HSPA4L: variants seen among roughly 807,000 people sequenced by gnomAD.
HSPA4L encodes heat shock protein family A (Hsp70) member 4 like, also known as heat shock 70 kDa protein 4L.
HSPA4L carries 48 observed loss-of-function variants against 100.3 expected under a neutral mutation model. That is an observed-to-expected ratio of 0.48 (90% confidence interval 0.38 to 0.61). HSPA4L has a LOEUF of 0.61. Ranked by LOEUF, HSPA4L falls within the 20% of genes least tolerant of loss-of-function variation. The probability of loss-of-function intolerance (pLI) is 0.00; values close to 1 mark genes in which losing one functional copy is unlikely to be tolerated. For synonymous variants in HSPA4L, 319 were observed against 328.2 expected (o/e 0.97, Z 0.30); for missense variants, 886 against 988.6 (o/e 0.90, Z 1.39).
In HSPA4L at chr4:127,782,452, T is replaced by C. The variant is rs1249690371; in HGVS notation, c.-99T>C. ...GACTTGGGGTCCCCTCTCGTTTGCT[T>C]CTGGTAGGAGTCGCAATCCCAGCAG... On this transcript the variant is annotated 5_prime_UTR_variant, in exon 1 of 19. Coordinates refer to ENST00000296464, the MANE Select transcript of HSPA4L (RefSeq NM_014278.4). The C allele has an allele frequency of 1.4e-5, 13 of 962,570 alleles. No individual in the cohort carries two copies. The highest frequency in any genetic ancestry group is 2.1e-5 in the Non-Finnish European group (13 of 606,074). 59.6% of individuals were successfully genotyped at this position (962,570 alleles called of 1,614,324 possible).
At position 127,827,361 on chromosome 4, in the gene HSPA4L, C is replaced by T; in HGVS notation, c.2103C>T (p.Ala701=). Residue 701 remains alanine (A), a synonymous_variant, in exon 17 of 19, where the codon GCC becomes GCT. Coordinates refer to ENST00000296464, the MANE Select transcript of HSPA4L (RefSeq NM_014278.4). ...KYMEHEERPK[A]LNDLGKKIQL... ...TGGAGCATGAAGAGAGACCAAAAGC[C>T]TTAAATGACTTGGGAAAAAAGATCC... 1 of 1,613,510 alleles carries T rather than the reference C, an allele frequency of 6.2e-7. No individual in the cohort carries two copies. The highest frequency in any genetic ancestry group is 8.5e-7 in the Non-Finnish European group (1 of 1,179,598).
chr4:127,786,430 A>G (rs1346769139), intron 1 of HSPA4L, among the ~76,000 whole-genome samples: 1 of 152,226 alleles, frequency 6.6e-6, no homozygotes, highest in Non-Finnish European at 1.5e-5. Flanking sequence ...CTAGTTTTTA[A>G]GAAATACTAT....
At chr4:127,784,721 A>G (rs187312607) in intron 1 of HSPA4L, among the ~76,000 whole-genome samples, 301 of 152,350 alleles carry the variant, frequency 2.0e-3, no homozygotes, top group Non-Finnish European at 3.5e-3. Flanking sequence ...TGTGGGTCCA[A>G]TTGTTGAGGA....
Position 127,801,164 on chromosome 4 carries a change from G to A in HSPA4L, c.456G>A (p.Glu152=). Residue 152 remains glutamate, a synonymous_variant, in exon 5 of 19, where the codon GAG becomes GAA. Transcript: ENST00000296464. ...TTCCTAGCTTTTTTACTGATGCCGAGAGAAGATCTGTGATGGCTGCAGCCC... is the reference window on the plus strand; with the variant it reads ...TTCCTAGCTTTTTTACTGATGCCGAAAGAAGATCTGTGATGGCTGCAGCCC... The part of the protein sequence containing the change: ...ISIPSFFTDA[E]RRSVMAAAQV... 2 of 1,612,848 alleles carry A rather than the reference G, an allele frequency of 1.2e-6. No homozygotes were observed. Among genetic ancestry groups the A allele is most frequent in the Non-Finnish European group, 1.7e-6 (2 of 1,179,552 alleles).
chr4:127,812,786 G>C lies in HSPA4L; in HGVS notation c.1578+1150G>C, dbSNP rs1047647024. 32 of 1,470,818 alleles carry C rather than the reference G, an allele frequency of 2.2e-5. No individual in the cohort carries two copies. The Admixed American group carries it at 5.2e-4, about 24-fold the overall frequency. 91.1% of individuals were successfully genotyped at this position (1,470,818 alleles called of 1,614,324 possible). On this transcript the variant is annotated intron_variant, in intron 12 of 18. Coordinates refer to ENST00000296464, the MANE Select transcript of HSPA4L (RefSeq NM_014278.4). ...TCCTTCCCATTGGTTCTCACAAAGT[G>C]TGCTGCTCTGGGTGGAGCAGGCTGG... is the stretch of plus-strand genomic sequence containing the variant.
intron 4 of HSPA4L, among the ~76,000 whole-genome samples, chr4:127,800,604 T>G (rs1733149174): frequency 2.0e-5 from 3 of 152,208 alleles, no homozygotes; most frequent in Admixed American, 2.0e-4. Flanking sequence ...TCCCCTCCTT[T>G]GAAATATAAT....
intron 1 of HSPA4L, among the ~76,000 whole-genome samples, chr4:127,793,212 G>A (rs1052113630): frequency 2.0e-5 from 3 of 152,138 alleles, no homozygotes; most frequent in Non-Finnish European, 4.4e-5. Flanking sequence ...ATTTCTGCAA[G>A]ACAAATAGAT....
chr4:127,820,661 A>G (rs762888072), intron 14 of HSPA4L, 96 bp downstream of exon 14: 1 of 1,133,092 alleles, frequency 8.8e-7, no homozygotes, highest in South Asian at 1.4e-5. Flanking sequence ...GCACTAGTTT[A>G]TAACTCCTAA....
At chr4:127,788,172 T>G (rs1440790168) in intron 1 of HSPA4L, among the ~76,000 whole-genome samples, 1 of 152,138 alleles carries the variant, frequency 6.6e-6, no homozygotes, top group Non-Finnish European at 1.5e-5. Context: ...TGTCTACCTA[T>G]GTAAATATTT....
chr4:127,801,185 A>T lies in HSPA4L; in HGVS notation c.477A>T (p.Ala159=). ...TDAERRSVMA[A]AQVAGLNCLR... is the part of the protein sequence containing the mutation. ...CCGAGAGAAGATCTGTGATGGCTGC[A>T]GCCCAGGTTGCAGGCTTAAATTGTT... The change falls in exon 5 of 19, where the codon GCA becomes GCT. Residue 159 remains alanine, a synonymous_variant. Coordinates refer to ENST00000296464, the MANE Select transcript of HSPA4L (RefSeq NM_014278.4). 1.2e-6 allele frequency: 2 copies of T among 1,613,438 alleles called. No homozygotes were observed. The highest frequency in any genetic ancestry group is 1.7e-6 in the Non-Finnish European group (2 of 1,179,726).
At chr4:127,822,400 TG>T (rs1249623726) in intron 14 of HSPA4L, among the ~76,000 whole-genome samples, 2 of 152,234 alleles carry the variant, frequency 1.3e-5, no homozygotes, top group African/African-American at 4.8e-5. Flanking sequence ...TTTTTTTATT[TG>T]TTCATCTTTT....
At chr4:127,796,029 A>G (rs1170384729) in intron 3 of HSPA4L, 121 bp downstream of exon 3, 3 of 792,504 alleles carry the variant, frequency 3.8e-6, no homozygotes, top group South Asian at 2.9e-5. Context: ...CACCGAAGAG[A>G]TAGTAGTTTT....
intron 11 of HSPA4L, among the ~76,000 whole-genome samples, chr4:127,811,194 C>A (rs1379470871): frequency 1.0e-5 from 1 of 97,142 alleles, no homozygotes; most frequent in Non-Finnish European, 2.4e-5. Context: ...TTTTTTTTTT[C>A]CTAGCATTGA....
rs1302866691 is a variant in HSPA4L at position 127,838,882 on chromosome 4, T to C, written c.*6008T>C. ...ATTTTATTACTTTTTGTTTCCTTTT[T>C]AATATTTATTCTTCCCGTTAAGGGT... On this transcript the variant is annotated 3_prime_UTR_variant, in exon 19 of 19. Transcript: ENST00000296464. The C allele has an allele frequency of 6.6e-6, 1 of 152,230 alleles. No homozygotes were observed. Among genetic ancestry groups the C allele is most frequent in the Non-Finnish European group, 1.5e-5 (1 of 68,034 alleles). 9.4% of individuals were successfully genotyped at this position (152,230 alleles called of 1,614,324 possible).
chr4:127,829,402 T>C (rs1460831829), intron 17 of HSPA4L, among the ~76,000 whole-genome samples: 1 of 151,910 alleles, frequency 6.6e-6, no homozygotes, highest in Non-Finnish European at 1.5e-5. Context: ...CTTTTTTTTT[T>C]AAGGATCTGG....
At position 127,808,025 on chromosome 4, in the gene HSPA4L, C is replaced by T. The variant is rs769388863; in HGVS notation, c.1274C>T (p.Pro425Leu). The change falls in exon 11 of 19, where the codon CCT becomes CTT. Residue 425 changes from proline (P) to leucine (L), a missense_variant. By Grantham distance (98) the Pro-to-Leu change is moderately conservative (BLOSUM62 -3). Transcript: ENST00000296464. ...TGTGAAGTTTTCTGTAAGAACCATCCTGCCCCATTCTCAAAAGTCATTACT... is the reference window on the plus strand; with the variant it reads ...TGTGAAGTTTTCTGTAAGAACCATCTTGCCCCATTCTCAAAAGTCATTACT... ...GECEVFCKNH[P>L]APFSKVITFH... 29 of 1,612,268 alleles carry T rather than the reference C, an allele frequency of 1.8e-5. No individual in the cohort carries two copies. In the East Asian group the frequency reaches 6.3e-4, roughly 35 times the overall value.
At chr4:127,795,204 G>C (rs1479084539) in intron 2 of HSPA4L, among the ~76,000 whole-genome samples, 1 of 151,998 alleles carries the variant, frequency 6.6e-6, no homozygotes, top group Non-Finnish European at 1.5e-5. Flanking sequence ...AAAGATACAG[G>C]CTGCATATCC....
chr4:127,793,192 A>G (rs1276488757), intron 1 of HSPA4L, among the ~76,000 whole-genome samples: 2 of 152,224 alleles, frequency 1.3e-5, no homozygotes, highest in Non-Finnish European at 2.9e-5. Flanking sequence ...CCTATATATC[A>G]GGAATGTCTA....
Position 127,808,103 on chromosome 4 carries a change from A to C in HSPA4L, c.1352A>C (p.Glu451Ala). Residue 451 changes from glutamate to alanine, a missense_variant, in exon 11 of 19, where the codon GAA becomes GCA. Physicochemically the swap from Glu to Ala is moderately radical, Grantham distance 107. Transcript: ENST00000296464. ...GAAGCATTTTATACTAATTTACATG[A>C]AGTGCCTTATCCTGATGCAAGAATT... ...ELEAFYTNLHEVPYPDARIGS... is the reference protein window; with the variant it reads ...ELEAFYTNLHAVPYPDARIGS... 1.2e-6 allele frequency: 2 copies of C among 1,611,362 alleles called. No individual in the cohort carries two copies. The highest frequency in any genetic ancestry group is 1.7e-6 in the Non-Finnish European group (2 of 1,178,968).
Sources: gnomAD v4.1 joint callset for allele counts (sites outside exome capture counted in the v4.1 genomes callset) on GRCh38, gnomAD v4.1.1 for gene constraint, MANE v1.5 for transcripts, NCBI Gene and HGNC (gene_info 2026-07-23, HGNC 2026-07-21) for gene names.